The following ADCY9 variants were observed in gnomAD, a reference collection of about 807,000 sequenced individuals.
ADCY9 encodes adenylate cyclase type 9.
ADCY9 carries 50 observed loss-of-function variants against 101.5 expected under a neutral mutation model. The observed-to-expected ratio is 0.49, with a 90% CI of 0.39 to 0.62. The LOEUF (loss-of-function observed/expected upper bound fraction) is 0.62, where lower values mean the gene tolerates loss of function less well. Ranked by LOEUF, ADCY9 falls within the 20% of genes least tolerant of loss-of-function variation. ADCY9 has a pLI of 0.00. For synonymous variants in ADCY9, 905 were observed against 769.3 expected (o/e 1.18, Z -2.92); for missense variants, 1,662 against 1,800.4 (o/e 0.92, Z 1.39).
intron 7 of ADCY9, 117 bp from the exon 8 acceptor site, chr16:3,979,392 G>A: frequency 3.2e-6 from 4 of 1,251,286 alleles, no homozygotes; most frequent in Non-Finnish European, 4.4e-6. Flanking sequence ...GTTGCCCCTG[G>A]GATGGGCGTG....
rs1555445090 is a variant in ADCY9, at chr16:4,087,876, T to TCTCTCTCC, written c.1693+25873_1693+25874insGGAGAGAG. Among the ~76,000 whole-genome samples the TCTCTCTCC allele has an allele frequency of 1.9e-3, 285 of 146,746 alleles. 10 individuals carry two copies. Among genetic ancestry groups the TCTCTCTCC allele is most frequent in the African/African-American group, 7.3e-3 (267 of 36,664 alleles). ...TTTTCTTTGTTTCTCTTTGTTTCTGTCTCTCTCGCTCTCTCCCTCTCTTTC... is the reference window on the plus strand; with the variant it reads ...TTTTCTTTGTTTCTCTTTGTTTCTGTCTCTCTCCCTCTCTCGCTCTCTCCCTCTCTTTC... On this transcript the variant is annotated intron_variant, in intron 2 of 10. Coordinates refer to ENST00000294016, the MANE Select transcript of ADCY9 (RefSeq NM_001116.4).
chr16:4,005,816 G>T (rs988118813), intron 3 of ADCY9, among the ~76,000 whole-genome samples: 1 of 152,134 alleles, frequency 6.6e-6, no homozygotes, highest in African/African-American at 2.4e-5. Flanking sequence ...TTTGGCTCGG[G>T]GCTGTCTTTC....
intron 2 of ADCY9, among the ~76,000 whole-genome samples, chr16:4,110,820 C>T (rs1366562277): frequency 6.6e-6 from 1 of 152,154 alleles, no homozygotes; most frequent in East Asian, 1.9e-4. Flanking sequence ...CGGGTGTGGC[C>T]ATGGCGACAG....
chr16:4,053,822 CTT>C (rs2056717950), intron 2 of ADCY9, among the ~76,000 whole-genome samples: 1 of 152,114 alleles, frequency 6.6e-6, no homozygotes, highest in African/African-American at 2.4e-5. Context: ...CCAGACGACT[CTT>C]TCTCGGTAAT....
chr16:4,045,706 G>A (rs974333178), intron 2 of ADCY9, among the ~76,000 whole-genome samples: 2 of 150,038 alleles, frequency 1.3e-5, no homozygotes, highest in African/African-American at 4.9e-5. Context: ...GAAAACCCTT[G>A]TGAATTTTTT....
At position 4,001,349 on chromosome 16, in the gene ADCY9, G is replaced by C. The variant is rs188525839; in HGVS notation, c.1884+6019C>G. Among the ~76,000 whole-genome samples, 994 of 152,288 alleles carry C rather than the reference G, an allele frequency of 6.5e-3. 3 individuals carry two copies. Among genetic ancestry groups the C allele is most frequent in the Non-Finnish European group, 9.8e-3 (669 of 68,034 alleles). The stretch of plus-strand genomic sequence containing the variant: ...GGCCAGGCATTTTGTCAAATGTCCA[G>C]ATCTGGACCTGCCTGGTGCTTTCTC... On this transcript the variant is annotated intron_variant, in intron 3 of 10. Coordinates refer to ENST00000294016, the MANE Select transcript of ADCY9 (RefSeq NM_001116.4).
At chr16:3,976,884 C>G (rs542594159) in intron 9 of ADCY9, among the ~76,000 whole-genome samples, 6 of 152,362 alleles carry the variant, frequency 3.9e-5, no homozygotes, top group Admixed American at 3.9e-4. Flanking sequence ...TCTTGAACTC[C>G]TGACCTCAGG....
At chr16:4,083,660 A>G (rs183810770) in intron 2 of ADCY9, among the ~76,000 whole-genome samples, 1 of 152,252 alleles carries the variant, frequency 6.6e-6, no homozygotes, top group Non-Finnish European at 1.5e-5. Flanking sequence ...AACGCAATGG[A>G]ATATTATTCA....
At chr16:4,094,609 C>A (rs539019567) in intron 2 of ADCY9, among the ~76,000 whole-genome samples, 1 of 151,434 alleles carries the variant, frequency 6.6e-6, no homozygotes, top group East Asian at 2.0e-4. Flanking sequence ...CCCCGCAACA[C>A]AGCAAGACCC....
In ADCY9 at chr16:3,979,155, G is replaced by C; in HGVS notation, c.2640C>G (p.Val880=). Residue 880 remains valine (V), a synonymous_variant, in exon 8 of 11, where the codon GTC becomes GTG. Coordinates refer to ENST00000294016, the MANE Select transcript of ADCY9 (RefSeq NM_001116.4). The part of the protein sequence containing the change: ...AILVSLPALA[V]YSHVTSEYET... The stretch of plus-strand genomic sequence containing the variant: ...CATATTCGGAGGTGACATGGGAGTA[G>C]ACGGCCAGTGCGGGAAGCGACACCA... The C allele has an allele frequency of 6.2e-7, 1 of 1,614,244 alleles. No individual in the cohort carries two copies. Among genetic ancestry groups the C allele is most frequent in the Non-Finnish European group, 8.5e-7 (1 of 1,180,052 alleles).
At chr16:3,961,140 C>T (rs189943809), downstream of ADCY9, among the ~76,000 whole-genome samples, 1 of 152,294 alleles carries the variant, frequency 6.6e-6, no homozygotes, top group Non-Finnish European at 1.5e-5. Context: ...ACTGGGTGCC[C>T]TTTCTAGTAG....
intron 7 of ADCY9, among the ~76,000 whole-genome samples, chr16:3,980,650 T>C (rs1207278275): frequency 1.3e-5 from 2 of 152,202 alleles, no homozygotes; most frequent in Non-Finnish European, 2.9e-5. Context: ...TCTCCAGCCA[T>C]TCCCCACATG....
At position 4,113,758 on chromosome 16, in the gene ADCY9, T is replaced by C; in HGVS notation, c.1685A>G (p.Gln562Arg). The C allele has an allele frequency of 1.2e-6, 2 of 1,612,020 alleles. No homozygotes were observed. Among genetic ancestry groups the C allele is most frequent in the Non-Finnish European group, 1.7e-6 (2 of 1,178,444 alleles). Residue 562 changes from glutamine (Q) to arginine (R), a missense_variant, in exon 2 of 11, where the codon CAG becomes CGG. Coordinates refer to ENST00000294016, the MANE Select transcript of ADCY9 (RefSeq NM_001116.4). ...TAAAGCAGTGCACATACCTTTCAAC[T>C]GGTCAGCAACCACGCTCTGGCCCAG... ...ERLGQSVVAD[Q>R]LKGLKTYLIS...
At chr16:4,096,026 T>C (rs2057001780) in intron 2 of ADCY9, among the ~76,000 whole-genome samples, 2 of 150,222 alleles carry the variant, frequency 1.3e-5, no homozygotes, top group African/African-American at 4.9e-5. Flanking sequence ...AACGATACCC[T>C]GCTTTATTCA....
chr16:3,993,658 A>G, intron 3 of ADCY9, 148 bp from the exon 4 acceptor site: 1 of 993,680 alleles, frequency 1.0e-6, no homozygotes, highest in Non-Finnish European at 1.5e-6. Context: ...GATGAGCTGA[A>G]AGCCAACGGG....
intron 2 of ADCY9, among the ~76,000 whole-genome samples, chr16:4,104,202 T>G (rs1688522394): frequency 6.6e-6 from 1 of 152,170 alleles, no homozygotes; most frequent in South Asian, 2.1e-4. Context: ...AGTTTTCAAG[T>G]AGAGTTTTGG....
In ADCY9 at chr16:4,090,724, A is replaced by T. The variant is rs1294512635; in HGVS notation, c.1693+23026T>A. The stretch of plus-strand genomic sequence containing the variant: ...TTGTTGAGATTTTTTTTTTTTGGTC[A>T]ATGTTTAAATACTACTTTTTTTTCA... On this transcript the variant is annotated intron_variant, in intron 2 of 10. Coordinates refer to ENST00000294016, the MANE Select transcript of ADCY9 (RefSeq NM_001116.4). Among the ~76,000 whole-genome samples the T allele has an allele frequency of 9.2e-5, 14 of 151,574 alleles. 1 individual carries two copies. Among genetic ancestry groups the T allele is most frequent in the Non-Finnish European group, 1.8e-4 (12 of 67,844 alleles).
chr16:3,965,979 C>A lies in ADCY9; in HGVS notation c.3858G>T (p.Gln1286His), dbSNP rs370863551. 2 of 1,614,218 alleles carry A rather than the reference C, an allele frequency of 1.2e-6. No homozygotes were observed. Among genetic ancestry groups the A allele is most frequent in the Non-Finnish European group, 1.7e-6 (2 of 1,180,046 alleles). Residue 1286 changes from glutamine (Q) to histidine (H), a missense_variant, in exon 11 of 11, where the codon CAG becomes CAT. Coordinates refer to ENST00000294016, the MANE Select transcript of ADCY9 (RefSeq NM_001116.4). ...AACCCAGAGATGTCTTGTCCACATA[C>A]TGGACAGAAGGCACCAGGTTGGCAA... is the stretch of plus-strand genomic sequence containing the variant. Reference protein sequence around the residue: ...DEIANLVPSVQYVDKTSLGSD... With the variant: ...DEIANLVPSVHYVDKTSLGSD...
At chr16:4,039,494 T>G (rs996844567) in intron 2 of ADCY9, among the ~76,000 whole-genome samples, 1 of 149,126 alleles carries the variant, frequency 6.7e-6, no homozygotes, top group Non-Finnish European at 1.5e-5. Flanking sequence ...GCCTGACCAA[T>G]AAGATGAAAC....
Sources: gnomAD v4.1 joint callset for allele counts (sites outside exome capture counted in the v4.1 genomes callset) on GRCh38, gnomAD v4.1.1 for gene constraint, MANE v1.5 for transcripts, NCBI Gene and HGNC (gene_info 2026-07-23, HGNC 2026-07-21) for gene names.